Variants in LRMDA observed in about 807,000 individuals in gnomAD.
LRMDA encodes the protein leucine-rich melanocyte differentiation-associated protein.
A neutral mutation model predicts 29.8 loss-of-function variants in LRMDA; 18 were observed. The ratio of observed to expected loss-of-function variants is 0.60; its 90% CI spans 0.42 to 0.90. The LOEUF is 0.90. Ranked by LOEUF, LRMDA falls within the 40% of genes least tolerant of loss-of-function variation. LRMDA has a pLI of 0.00. For missense variants in LRMDA, 273 were observed against 273.9 expected (o/e 1.00, Z 0.02); for synonymous variants, 125 against 109.4 (o/e 1.14, Z -0.89).
intron 2 of LRMDA, among the ~76,000 whole-genome samples, chr10:75,835,659 G>C (rs1844421437): frequency 6.6e-6 from 1 of 152,166 alleles, no homozygotes; most frequent in South Asian, 2.1e-4. Flanking sequence ...GCTACTAAAA[G>C]GTTTTATGCC....
intron 6 of LRMDA, among the ~76,000 whole-genome samples, chr10:76,425,387 A>G (rs1474550648): frequency 2.0e-5 from 3 of 151,808 alleles, no homozygotes; most frequent in Non-Finnish European, 4.4e-5. Context: ...GTCATGAGAC[A>G]GACTCAAGTT....
chr10:76,051,767 C>T (rs1848534916), intron 4 of LRMDA, among the ~76,000 whole-genome samples: 1 of 152,188 alleles, frequency 6.6e-6, no homozygotes, highest in South Asian at 2.1e-4. Context: ...GCAGCAGAGA[C>T]TGAACCAAGA....
rs1268151971 is a variant in LRMDA at position 76,383,721 on chromosome 10, C to T, written c.601+59236C>T. Reference sequence around the variant, plus strand: ...CTGGGATTACAGGCGTGAGCCACCGCGCCCGGCCCACCAATGTCTTTTCTA... The same window carrying T: ...CTGGGATTACAGGCGTGAGCCACCGTGCCCGGCCCACCAATGTCTTTTCTA... On this transcript the variant is annotated intron_variant, in intron 6 of 6. Coordinates refer to ENST00000611255, the MANE Select transcript of LRMDA (RefSeq NM_001305581.2). 6.6e-5 allele frequency among the ~76,000 whole-genome samples: 10 copies of T among 152,096 alleles called. No individual in the cohort carries two copies. In the East Asian group the frequency reaches 1.7e-3, roughly 27 times the overall value.
chr10:75,893,702 G>A (rs1023438646), intron 2 of LRMDA, among the ~76,000 whole-genome samples: 23 of 152,106 alleles, frequency 1.5e-4, no homozygotes, highest in Admixed American at 5.9e-4. Context: ...TTGGGAGGCC[G>A]AGGCGGGTGG....
chr10:76,541,664 A>G (rs1843357349), intron 6 of LRMDA, among the ~76,000 whole-genome samples: 1 of 152,050 alleles, frequency 6.6e-6, no homozygotes, highest in Non-Finnish European at 1.5e-5. Flanking sequence ...TTGTTTTGGC[A>G]TTTATTTCTC....
At chr10:75,818,072 G>A (rs919572721) in intron 2 of LRMDA, among the ~76,000 whole-genome samples, 16 of 152,150 alleles carry the variant, frequency 1.1e-4, no homozygotes, top group Non-Finnish European at 2.9e-5. Context: ...GAAGTGAGAG[G>A]GATGTGTCTT....
chr10:75,821,200 G>A (rs1589218147), intron 2 of LRMDA, among the ~76,000 whole-genome samples: 1 of 152,074 alleles, frequency 6.6e-6, no homozygotes, highest in South Asian at 2.1e-4. Context: ...AGCCAGGCAA[G>A]CATACAACAA....
At chr10:75,997,896 C>A (rs1480676437) in intron 2 of LRMDA, among the ~76,000 whole-genome samples, 1 of 152,224 alleles carries the variant, frequency 6.6e-6, no homozygotes, top group African/African-American at 2.4e-5. Flanking sequence ...TCCTCTCCCC[C>A]TCTCTCCCCA....
At chr10:75,757,119 T>C (rs1194393976) in intron 2 of LRMDA, among the ~76,000 whole-genome samples, 1 of 152,182 alleles carries the variant, frequency 6.6e-6, no homozygotes, top group Non-Finnish European at 1.5e-5. Context: ...CAATGGGGAA[T>C]TGGTTTCAAA....
At chr10:76,541,893 T>C (rs7089843) in intron 6 of LRMDA, among the ~76,000 whole-genome samples, 62,608 of 152,014 alleles carry the variant, frequency 0.41, 13,879 homozygotes, top group African/African-American at 0.54. Context: ...TTTTATGTAC[T>C]GTAAATGCTC....
chr10:75,500,969 C>T (rs1845106631), intron 2 of LRMDA, among the ~76,000 whole-genome samples: 2 of 152,186 alleles, frequency 1.3e-5, no homozygotes, highest in African/African-American at 4.8e-5. Flanking sequence ...AACCTGTTGT[C>T]AGTCTCCTGG....
chr10:75,713,847 CCCTCTCTCTCTCT>C (rs1488829381), intron 2 of LRMDA, among the ~76,000 whole-genome samples: 1 of 152,064 alleles, frequency 6.6e-6, no homozygotes, highest in Admixed American at 6.5e-5. Context: ...TTCTCTCCCA[CCCTCTCTCTCTCT>C]CCTCTCTCCC....
chr10:75,927,349 G>A (rs535242428), intron 2 of LRMDA, among the ~76,000 whole-genome samples: 2 of 152,178 alleles, frequency 1.3e-5, no homozygotes, highest in Non-Finnish European at 1.5e-5. Flanking sequence ...TCTTCAGCCT[G>A]TAGAGATCTG....
At chr10:76,228,045 C>CA (rs2132268652) in intron 5 of LRMDA, among the ~76,000 whole-genome samples, 1 of 146,306 alleles carries the variant, frequency 6.8e-6, no homozygotes, top group African/African-American at 2.5e-5. Context: ...TTTTTTTAGA[C>CA]AGAGTCTCGC....
At chr10:76,159,707 G>T (rs1179887568) in intron 5 of LRMDA, among the ~76,000 whole-genome samples, 4 of 152,122 alleles carry the variant, frequency 2.6e-5, no homozygotes, top group African/African-American at 9.7e-5. Flanking sequence ...ACACTAAAAA[G>T]ACATGAGCTA....
rs1172213249 is a variant in LRMDA, at chr10:76,410,298, CTTTTTTTTTTTTTTTT to C, written c.601+85826_601+85841del. 7.5e-5 allele frequency among the ~76,000 whole-genome samples: 5 copies of C among 66,544 alleles called. 1 individual carries two copies. Among genetic ancestry groups the C allele is most frequent in the Non-Finnish European group, 8.3e-5 (3 of 35,968 alleles). The allele number at this position is 66,544 out of a possible 152,430, so 43.7% of individuals were successfully genotyped here. On this transcript the variant is annotated intron_variant, in intron 6 of 6. Transcript: ENST00000611255. ...GAGGCTTGGAAAAATCACTTTCTTT[CTTTTTTTTTTTTTTTT>C]TTTTTTTTTTTTGAGATAGGGTCTC...
At chr10:76,200,688 C>T (rs1043147742) in intron 5 of LRMDA, among the ~76,000 whole-genome samples, 6 of 151,556 alleles carry the variant, frequency 4.0e-5, no homozygotes, top group African/African-American at 7.3e-5. Flanking sequence ...ACCACTTTCA[C>T]GTGTATATTT....
intron 2 of LRMDA, among the ~76,000 whole-genome samples, chr10:75,657,251 G>A (rs1024296106): frequency 2.0e-5 from 3 of 152,218 alleles, no homozygotes; most frequent in African/African-American, 7.2e-5. Context: ...CACTGAGCTG[G>A]GTGAAATGGA....
intron 2 of LRMDA, among the ~76,000 whole-genome samples, chr10:75,730,987 G>GT (rs1413424161): frequency 7.9e-5 from 12 of 152,162 alleles, no homozygotes; most frequent in Non-Finnish European, 1.8e-4. Flanking sequence ...GCTGCTGCCA[G>GT]CTTCTGAAGT....
Sources: gnomAD v4.1 joint callset for allele counts (sites outside exome capture counted in the v4.1 genomes callset) on GRCh38, gnomAD v4.1.1 for gene constraint, MANE v1.5 for transcripts, NCBI Gene and HGNC (gene_info 2026-07-23, HGNC 2026-07-21) for gene names.